CLSTN2: variants seen among roughly 807,000 people sequenced by gnomAD.
The protein encoded by CLSTN2 is calsyntenin-2.
A neutral mutation model predicts 101.2 loss-of-function variants in CLSTN2; 48 were observed. That is an observed-to-expected ratio of 0.47 (90% CI 0.38 to 0.60). The LOEUF (loss-of-function observed/expected upper bound fraction) is 0.60. Ranked by LOEUF, CLSTN2 falls within the 20% of genes least tolerant of loss-of-function variation. The probability of loss-of-function intolerance (pLI) is 0.00; values close to 1 mark genes in which losing one functional copy is unlikely to be tolerated. For missense variants in CLSTN2, 1,160 were observed against 1,238.2 expected (o/e 0.94, Z 0.95); for synonymous variants, 481 against 463.6 (o/e 1.04, Z -0.48).
At position 140,567,848 on chromosome 3, in the gene CLSTN2, G is replaced by A. The variant is rs1985340931; in HGVS notation, c.*1595G>A. The A allele has an allele frequency of 6.6e-6, 1 of 152,198 alleles. No individual in the cohort carries two copies. The highest frequency in any genetic ancestry group is 1.5e-5 in the Non-Finnish European group (1 of 68,056). 9.4% of individuals were successfully genotyped at this position (152,198 alleles called of 1,614,324 possible). A position where few individuals can be genotyped will look rare whatever the true frequency, so the allele number is the denominator to read the frequency against. ...TGTGTCATCAAAACAGCTTAAGAAG[G>A]GGACTACTGCCAATGTCCTCTAGTC... On this transcript the variant is annotated 3_prime_UTR_variant, in exon 17 of 17. Transcript: ENST00000458420.
Position 140,404,754 on chromosome 3 carries a change from A to G in CLSTN2, c.625A>G (p.Ile209Val). The G allele has an allele frequency of 6.2e-7, 1 of 1,614,180 alleles. No homozygotes were observed. Residue 209 changes from isoleucine (I) to valine (V), a missense_variant, in exon 4 of 17, where the codon ATC becomes GTC. Coordinates refer to ENST00000458420, the MANE Select transcript of CLSTN2 (RefSeq NM_022131.3). ...CGTCACCACAGATGTGCCTTTTGCC[A>G]TCGACAGAAATGGTGAGTGACCTCA... is the stretch of plus-strand genomic sequence containing the variant. ...EIVTTDVPFA[I>V]DRNGNIRNTE... is the part of the protein sequence containing the mutation.
intron 1 of CLSTN2, among the ~76,000 whole-genome samples, chr3:140,077,180 C>T (rs1295212481): frequency 2.0e-5 from 3 of 152,178 alleles, no homozygotes; most frequent in Non-Finnish European, 4.4e-5. Flanking sequence ...CTAAGAGAGC[C>T]TCATTGTGAA....
In CLSTN2 at chr3:140,403,784, G is replaced by C. The variant is rs2088270915; in HGVS notation, c.388G>C (p.Gly130Arg). Residue 130 changes from glycine (G) to arginine (R), a missense_variant, in exon 3 of 17, where the codon GGT (glycine) becomes CGT (arginine). By Grantham distance (125) the Gly-to-Arg change is moderately radical. Coordinates refer to ENST00000458420, the MANE Select transcript of CLSTN2 (RefSeq NM_022131.3). ...ATTCATCATCCAGGCCTATGACTGT[G>C]GTGCTGGGCCCCACGAGACAGCCTG... is the stretch of plus-strand genomic sequence containing the variant. The part of the protein sequence containing the change: ...YTFIIQAYDC[G>R]AGPHETAWKK... The C allele has an allele frequency of 6.2e-7, 1 of 1,613,870 alleles. No homozygotes were observed.
intron 2 of CLSTN2, among the ~76,000 whole-genome samples, chr3:140,263,700 C>T (rs2086672509): frequency 6.6e-6 from 1 of 152,130 alleles, no homozygotes; most frequent in Non-Finnish European, 1.5e-5. Context: ...TGTCCAGTGA[C>T]TTAGAACAAC....
At chr3:139,996,351 A>G (rs1056459527) in intron 1 of CLSTN2, among the ~76,000 whole-genome samples, 4 of 152,156 alleles carry the variant, frequency 2.6e-5, no homozygotes, top group African/African-American at 9.7e-5. Flanking sequence ...GGCTGTCCAC[A>G]TTTACAAGAT....
Position 140,480,806 on chromosome 3 carries a change from T to C in CLSTN2, c.1344+14075T>C, listed in dbSNP as rs1934099021. 2.0e-5 allele frequency among the ~76,000 whole-genome samples: 3 copies of C among 152,242 alleles called. No homozygotes were observed. In the South Asian group the frequency reaches 6.2e-4, roughly 32 times the overall value. On this transcript the variant is annotated intron_variant, in intron 8 of 16. Transcript: ENST00000458420. The stretch of plus-strand genomic sequence containing the variant: ...GTTGATGGGGTTGTTTGTTTTTTTC[T>C]CGTAAATTTGTTGGAGTTCATTGTA...
chr3:140,127,692 GCTCAT>G (rs1244694898), intron 1 of CLSTN2, among the ~76,000 whole-genome samples: 2 of 152,094 alleles, frequency 1.3e-5, no homozygotes, highest in African/African-American at 4.8e-5. Context: ...AGACAGCCAG[GCTCAT>G]CTCAAAGGCT....
At chr3:140,250,059 C>T (rs1365940014) in intron 2 of CLSTN2, among the ~76,000 whole-genome samples, 1 of 152,122 alleles carries the variant, frequency 6.6e-6, no homozygotes, top group Non-Finnish European at 1.5e-5. Context: ...GAGATACTTG[C>T]CTAATTTTTT....
At chr3:139,990,829 A>G (rs1936101644) in intron 1 of CLSTN2, among the ~76,000 whole-genome samples, 1 of 152,248 alleles carries the variant, frequency 6.6e-6, no homozygotes. Context: ...CAAATGTACC[A>G]TAATGCCATT....
At chr3:140,347,141 T>C (rs2087556482) in intron 2 of CLSTN2, among the ~76,000 whole-genome samples, 2 of 152,228 alleles carry the variant, frequency 1.3e-5, no homozygotes, top group Admixed American at 6.5e-5. Flanking sequence ...GAATTGTTTT[T>C]CTTGATGGTT....
intron 10 of CLSTN2, among the ~76,000 whole-genome samples, chr3:140,550,937 A>G (rs1255412583): frequency 6.6e-6 from 1 of 151,746 alleles, no homozygotes; most frequent in African/African-American, 2.4e-5. Flanking sequence ...GAACTAGAGC[A>G]CCGTGTGAGA....
chr3:140,526,417 A>G (rs1438259710), intron 8 of CLSTN2, among the ~76,000 whole-genome samples: 1 of 152,166 alleles, frequency 6.6e-6, no homozygotes, highest in African/African-American at 2.4e-5. Context: ...ATCAGAGATG[A>G]CACAAAGAAA....
At chr3:140,351,737 T>C (rs1441127238) in intron 2 of CLSTN2, among the ~76,000 whole-genome samples, 1 of 152,080 alleles carries the variant, frequency 6.6e-6, no homozygotes, top group Non-Finnish European at 1.5e-5. Context: ...CAAAGATATA[T>C]AGCCTTAAAG....
At chr3:140,197,283 G>A (rs1392428909) in intron 2 of CLSTN2, among the ~76,000 whole-genome samples, 2 of 152,278 alleles carry the variant, frequency 1.3e-5, no homozygotes, top group East Asian at 3.9e-4. Context: ...CTGATGTCAG[G>A]CCATCACATC....
At chr3:139,969,397 A>G (rs894661954) in intron 1 of CLSTN2, among the ~76,000 whole-genome samples, 2 of 152,108 alleles carry the variant, frequency 1.3e-5, no homozygotes, top group African/African-American at 2.4e-5. Flanking sequence ...TGACCTCTCA[A>G]TCAGTTTCTT....
At chr3:140,562,027 C>T in intron 12 of CLSTN2, 111 bp from the exon 13 acceptor site, 3 of 915,446 alleles carry the variant, frequency 3.3e-6, no homozygotes, top group Non-Finnish European at 5.1e-6. Context: ...AGACTCTGCT[C>T]CTGACCCAGC....
intron 2 of CLSTN2, among the ~76,000 whole-genome samples, chr3:140,273,520 C>G (rs575383188): frequency 1.1e-4 from 16 of 152,230 alleles, no homozygotes; most frequent in African/African-American, 3.6e-4. Flanking sequence ...TTATATTTTT[C>G]TTTATCACAT....
At chr3:140,451,343 T>C (rs138473513) in intron 6 of CLSTN2, among the ~76,000 whole-genome samples, 2 of 152,328 alleles carry the variant, frequency 1.3e-5, no homozygotes, top group Non-Finnish European at 1.5e-5. Flanking sequence ...GCTCATTCCA[T>C]CTGTACTGCC....
chr3:140,539,158 A>G (rs1935419000), intron 9 of CLSTN2, among the ~76,000 whole-genome samples: 1 of 150,418 alleles, frequency 6.6e-6, no homozygotes, highest in Non-Finnish European at 1.5e-5. Flanking sequence ...GTTAAATTAT[A>G]TCCTATTCTT....
Sources: gnomAD v4.1 joint callset for allele counts (sites outside exome capture counted in the v4.1 genomes callset) on GRCh38, gnomAD v4.1.1 for gene constraint, MANE v1.5 for transcripts, NCBI Gene and HGNC (gene_info 2026-07-23, HGNC 2026-07-21) for gene names.